Variants in CNNM2 observed in about 807,000 individuals in gnomAD.
CNNM2 encodes cyclin and CBS domain divalent metal cation transport mediator 2, also known as metal transporter CNNM2.
CNNM2 carries 12 observed loss-of-function variants against 66.9 expected under a neutral mutation model. The observed-to-expected ratio is 0.18, with a 90% CI of 0.11 to 0.29. The LOEUF is 0.29. CNNM2 is among the 10% of genes least tolerant of loss of function. The pLI, the probability that CNNM2 is intolerant of heterozygous loss-of-function variation, is 1.00. For synonymous variants in CNNM2, 557 were observed against 501.8 expected, an observed-to-expected ratio of 1.11 and a Z score of -1.47; for missense variants, 705 against 1,167.7, an observed-to-expected ratio of 0.60 and a Z score of 5.77.
intron 1 of CNNM2, among the ~76,000 whole-genome samples, chr10:103,015,575 C>T (rs1039003060): frequency 7.9e-5 from 12 of 151,856 alleles, no homozygotes; most frequent in African/African-American, 2.4e-4. Flanking sequence ...GGTGCCCGGC[C>T]GGCTGCAGTG....
At chr10:103,049,495 G>T (rs1474539707) in intron 1 of CNNM2, among the ~76,000 whole-genome samples, 1 of 152,116 alleles carries the variant, frequency 6.6e-6, no homozygotes, top group Non-Finnish European at 1.5e-5. Flanking sequence ...TGTATGTGGA[G>T]GGTGACGCTC....
intron 1 of CNNM2, among the ~76,000 whole-genome samples, chr10:102,933,176 A>G (rs554663976): frequency 6.6e-6 from 1 of 152,284 alleles, no homozygotes; most frequent in Non-Finnish European, 1.5e-5. Flanking sequence ...AAAAAAAGGC[A>G]GTTGGAATTT....
At chr10:102,934,832 G>GT (rs1166890768) in intron 1 of CNNM2, among the ~76,000 whole-genome samples, 2 of 151,788 alleles carry the variant, frequency 1.3e-5, no homozygotes, top group African/African-American at 4.8e-5. Context: ...AGGTGACAGA[G>GT]TAAGACTCCT....
intron 1 of CNNM2, among the ~76,000 whole-genome samples, chr10:102,976,062 A>G (rs2063624350): frequency 6.6e-6 from 1 of 152,188 alleles, no homozygotes; most frequent in Non-Finnish European, 1.5e-5. Context: ...CTTGGAAGAG[A>G]GTGATTAATG....
Position 103,047,923 on chromosome 10 carries a change from T to A in CNNM2, c.1622-1784T>A, listed in dbSNP as rs7083865. On this transcript the variant is annotated intron_variant, in intron 1 of 7. Coordinates refer to ENST00000369878, the MANE Select transcript of CNNM2 (RefSeq NM_017649.5). ...CTCCCAAAATTTTAATTTTCTTTTCTTTTTTTTCTTTTTTGTTGAGACAGA... is the reference window on the plus strand; with the variant it reads ...CTCCCAAAATTTTAATTTTCTTTTCATTTTTTTCTTTTTTGTTGAGACAGA... 0.015 allele frequency among the ~76,000 whole-genome samples: 2,242 copies of A among 152,192 alleles called. 57 individuals carry two copies. Among genetic ancestry groups the A allele is most frequent in the African/African-American group, 0.05 (2,088 of 41,504 alleles).
In CNNM2 at chr10:103,054,215, C is replaced by A; in HGVS notation, c.1766-114C>A. ...GTGGCATCTGTGCATAGAGCGCCTG[C>A]ATCTGGAAATACAGTCCAGCTCTTC... On this transcript the variant is annotated intron_variant, in intron 2 of 7. Coordinates refer to ENST00000369878, the MANE Select transcript of CNNM2 (RefSeq NM_017649.5). The surrounding 1 kb of genome is among the most constrained non-coding windows in gnomAD (Gnocchi z 5.2). The A allele has an allele frequency of 8.3e-7, 1 of 1,206,136 alleles. No individual in the cohort carries two copies. 74.7% of individuals were successfully genotyped at this position (1,206,136 alleles called of 1,614,324 possible).
intron 1 of CNNM2, among the ~76,000 whole-genome samples, chr10:102,996,846 A>T (rs1013439185): frequency 2.6e-5 from 4 of 152,084 alleles, no homozygotes; most frequent in African/African-American, 9.7e-5. Flanking sequence ...TCCACGAGAT[A>T]TTTGCCTTTG....
rs1003965917 is a variant in CNNM2 at position 102,919,203 on chromosome 10, C to T, written c.723C>T (p.Thr241=). 2 of 1,612,754 alleles carry T rather than the reference C, an allele frequency of 1.2e-6. No homozygotes were observed. The highest frequency in any genetic ancestry group is 2.7e-5 in the African/African-American group (2 of 75,066). ...TTWIYHDGED[T]KMIVGEEKKF... is the part of the protein sequence containing the mutation. ...GGATTTACCACGACGGCGAGGACAC[C>T]AAGATGATCGTAGGCGAAGAGAAGA... Residue 241 remains threonine, a synonymous_variant, in exon 1 of 8, where the codon ACC becomes ACT. Coordinates refer to ENST00000369878, the MANE Select transcript of CNNM2 (RefSeq NM_017649.5).
intron 1 of CNNM2, among the ~76,000 whole-genome samples, chr10:102,923,591 C>T (rs1189975237): frequency 6.6e-6 from 1 of 152,060 alleles, no homozygotes; most frequent in Non-Finnish European, 1.5e-5. Context: ...TGCCTCAGAG[C>T]CTGTTGGGCA....
intron 1 of CNNM2, among the ~76,000 whole-genome samples, chr10:102,928,995 C>T (rs1252389859): frequency 6.6e-6 from 1 of 151,854 alleles, no homozygotes; most frequent in Non-Finnish European, 1.5e-5. Flanking sequence ...CGTGGTGGCT[C>T]ATGCCTGTAA....
chr10:102,988,942 A>G (rs1223234333), intron 1 of CNNM2, among the ~76,000 whole-genome samples: 1 of 152,204 alleles, frequency 6.6e-6, no homozygotes, highest in Non-Finnish European at 1.5e-5. Flanking sequence ...TTGACTTCTG[A>G]AAACTTAAGC....
intron 1 of CNNM2, among the ~76,000 whole-genome samples, chr10:102,979,258 T>G (rs2063683928): frequency 6.6e-6 from 1 of 152,232 alleles, no homozygotes; most frequent in South Asian, 2.1e-4. Flanking sequence ...TGTTAAATCC[T>G]ATTATTTGTT....
chr10:103,009,975 G>A lies in CNNM2; in HGVS notation c.1622-39732G>A, dbSNP rs141552581. On this transcript the variant is annotated intron_variant, in intron 1 of 7. Transcript: ENST00000369878. ...TTTCACAATTAGAGACAAAAATTGC[G>A]AAGAACGTATTAAACTTCACTAATA... Among the ~76,000 whole-genome samples, 594 of 151,316 alleles carry A rather than the reference G, an allele frequency of 3.9e-3. 4 individuals carry two copies. Among genetic ancestry groups the A allele is most frequent in the African/African-American group, 0.013 (543 of 41,184 alleles).
chr10:103,024,445 A>T (rs187647333), intron 1 of CNNM2, among the ~76,000 whole-genome samples: 2 of 152,260 alleles, frequency 1.3e-5, no homozygotes, highest in Admixed American at 1.3e-4. Flanking sequence ...CAAATACAGT[A>T]CTGTGATAAT....
chr10:103,043,370 C>G (rs931058622), intron 1 of CNNM2, among the ~76,000 whole-genome samples: 4 of 152,200 alleles, frequency 2.6e-5, no homozygotes, highest in African/African-American at 9.7e-5. Flanking sequence ...TCTGCCTAGT[C>G]CCATTTCACT....
chr10:102,964,588 T>G (rs944424706), intron 1 of CNNM2, among the ~76,000 whole-genome samples: 5 of 152,098 alleles, frequency 3.3e-5, no homozygotes, highest in African/African-American at 1.2e-4. Flanking sequence ...CTGTATTTAA[T>G]CAGTTGGCAG....
chr10:102,986,670 C>T (rs1190682034), intron 1 of CNNM2, among the ~76,000 whole-genome samples: 1 of 150,338 alleles, frequency 6.7e-6, no homozygotes, highest in African/African-American at 2.5e-5. Flanking sequence ...GTCCCAGCTA[C>T]TTGGGAGGCT....
At chr10:102,949,960 T>C (rs1846766780) in intron 1 of CNNM2, among the ~76,000 whole-genome samples, 1 of 152,210 alleles carries the variant, frequency 6.6e-6, no homozygotes. Context: ...GTCCATGATA[T>C]GTTCCTAGCA....
chr10:103,006,747 C>G (rs1198082840), intron 1 of CNNM2, among the ~76,000 whole-genome samples: 1 of 152,154 alleles, frequency 6.6e-6, no homozygotes, highest in Non-Finnish European at 1.5e-5. Flanking sequence ...CTACCACAGC[C>G]TCCTGAGTAG....
Sources: allele counts gnomAD v4.1 joint callset (sites outside exome capture counted in the v4.1 genomes callset), GRCh38; gene constraint gnomAD v4.1.1; non-coding constraint Gnocchi (gnomAD v3.1); transcripts MANE v1.5; gene names NCBI Gene and HGNC (gene_info 2026-07-23, HGNC 2026-07-21).